EPHB1: variants seen among roughly 807,000 people sequenced by gnomAD.
EPHB1 encodes ephrin type-B receptor 1.
In EPHB1, 30 loss-of-function variants were observed where a neutral mutation model predicts 94.4. That is an observed-to-expected ratio of 0.32 (90% CI 0.24 to 0.43). The LOEUF (loss-of-function observed/expected upper bound fraction) is 0.43, where lower values mean the gene tolerates loss of function less well. Ranked by LOEUF, EPHB1 falls within the 20% of genes least tolerant of loss-of-function variation. The pLI, the probability that EPHB1 is intolerant of heterozygous loss-of-function variation, is 1.00. For synonymous variants in EPHB1, 522 were observed against 489.1 expected (o/e 1.07, Z -0.89); for missense variants, 1,055 against 1,308.3 (o/e 0.81, Z 2.99).
At chr3:135,085,936 T>C (rs1374619200) in intron 3 of EPHB1, among the ~76,000 whole-genome samples, 1 of 152,134 alleles carries the variant, frequency 6.6e-6, no homozygotes, top group Non-Finnish European at 1.5e-5. Flanking sequence ...CACAGTGGGC[T>C]CTGGAAAGAA....
intron 4 of EPHB1, among the ~76,000 whole-genome samples, chr3:135,123,386 A>G (rs1940056720): frequency 6.6e-6 from 1 of 152,226 alleles, no homozygotes; most frequent in Admixed American, 6.5e-5. Flanking sequence ...CTGCTTTCAG[A>G]TGCACCTAGT....
chr3:135,014,241 A>T (rs950576208), intron 3 of EPHB1, among the ~76,000 whole-genome samples: 1 of 152,204 alleles, frequency 6.6e-6, no homozygotes, highest in African/African-American at 2.4e-5. Flanking sequence ...CTGCAACTGC[A>T]TCAAGTGTTT....
At chr3:134,831,506 T>G (rs1404085609) in intron 1 of EPHB1, among the ~76,000 whole-genome samples, 4 of 152,246 alleles carry the variant, frequency 2.6e-5, no homozygotes, top group Non-Finnish European at 5.9e-5. Context: ...AAAAAAGTAA[T>G]AGAAGTTTGC....
intron 5 of EPHB1, among the ~76,000 whole-genome samples, chr3:135,141,090 C>T (rs1449322956): frequency 6.6e-6 from 1 of 151,728 alleles, no homozygotes. Flanking sequence ...GCAGGAAAAC[C>T]TTTGCTGTAG....
intron 12 of EPHB1, among the ~76,000 whole-genome samples, chr3:135,211,221 C>A (rs1943025104): frequency 6.6e-6 from 1 of 152,126 alleles, no homozygotes; most frequent in African/African-American, 2.4e-5. Context: ...TTTAACCATC[C>A]ACTCCCACTG....
intron 10 of EPHB1, among the ~76,000 whole-genome samples, chr3:135,192,044 G>A (rs577653197): frequency 6.6e-6 from 1 of 152,330 alleles, no homozygotes; most frequent in East Asian, 1.9e-4. Flanking sequence ...TCTTTCACAA[G>A]TGAACCTCTT....
At chr3:134,824,755 G>T (rs1261221678) in intron 1 of EPHB1, among the ~76,000 whole-genome samples, 1 of 152,136 alleles carries the variant, frequency 6.6e-6, no homozygotes, top group Non-Finnish European at 1.5e-5. Flanking sequence ...GAACCTAGTC[G>T]CTGTGTTGTT....
Position 135,165,984 on chromosome 3 carries a change from G to C in EPHB1, c.1602G>C (p.Glu534Asp). The C allele has an allele frequency of 1.2e-6, 2 of 1,613,970 alleles. No homozygotes were observed. The highest frequency in any genetic ancestry group is 1.7e-6 in the Non-Finnish European group (2 of 1,179,864). ...QTLTDDDYKS[E>D]LREQLPLIAG... ...CTCACCTAGATGATTACAAGTCAGAGCTGAGGGAGCAGCTGCCCCTGATTG... is the reference window on the plus strand; with the variant it reads ...CTCACCTAGATGATTACAAGTCAGACCTGAGGGAGCAGCTGCCCCTGATTG... The change falls in exon 8 of 16, where the codon GAG becomes GAC. Residue 534 changes from glutamate (E) to aspartate (D), a missense_variant. Coordinates refer to ENST00000398015, the MANE Select transcript of EPHB1 (RefSeq NM_004441.5).
chr3:134,926,363 C>T (rs549560033), intron 2 of EPHB1, among the ~76,000 whole-genome samples: 1 of 152,286 alleles, frequency 6.6e-6, no homozygotes, highest in African/African-American at 2.4e-5. Flanking sequence ...GAGCTCGTGG[C>T]CTCCTGTGGG....
chr3:134,835,042 G>T (rs538976475), intron 1 of EPHB1, among the ~76,000 whole-genome samples: 1 of 152,330 alleles, frequency 6.6e-6, no homozygotes, highest in South Asian at 2.1e-4. Context: ...TCTCATGGTT[G>T]GCTGGACCTG....
intron 1 of EPHB1, chr3:134,796,496 A>C (rs2035829893): frequency 6.6e-6 from 1 of 152,216 alleles, no homozygotes; most frequent in South Asian, 2.1e-4. Context: ...CTGCCAGCTC[A>C]GACTTGGCGG....
intron 1 of EPHB1, among the ~76,000 whole-genome samples, chr3:134,818,784 A>G (rs2108289050): frequency 6.6e-6 from 1 of 152,270 alleles, no homozygotes; most frequent in South Asian, 2.1e-4. Context: ...TAATTGGTGG[A>G]CGTTTGGGTT....
chr3:134,886,552 A>G (rs1252878933), intron 1 of EPHB1, among the ~76,000 whole-genome samples: 1 of 152,238 alleles, frequency 6.6e-6, no homozygotes, highest in Non-Finnish European at 1.5e-5. Context: ...TCTATGGCAC[A>G]GATAAAGTGA....
chr3:135,039,422 G>A (rs545440370), intron 3 of EPHB1, among the ~76,000 whole-genome samples: 8 of 152,328 alleles, frequency 5.3e-5, no homozygotes, highest in Non-Finnish European at 1.0e-4. Context: ...TGCACCGTGC[G>A]CTCGCATTCC....
intron 1 of EPHB1, among the ~76,000 whole-genome samples, chr3:134,810,065 C>A (rs1301400071): frequency 6.6e-6 from 1 of 152,204 alleles, no homozygotes; most frequent in Non-Finnish European, 1.5e-5. Context: ...CATTTGTCAA[C>A]TATTGTGAGC....
rs577382263 is a variant in EPHB1, at chr3:134,949,789, C to T, written c.124-1582C>T. On this transcript the variant is annotated intron_variant, in intron 2 of 15. Coordinates refer to ENST00000398015, the MANE Select transcript of EPHB1 (RefSeq NM_004441.5). Reference sequence around the variant, plus strand: ...TAAATTTATTCCTGGAAATATCCTCCGTTCTTGAGACCAGGATCTGGAGAG... The same window carrying T: ...TAAATTTATTCCTGGAAATATCCTCTGTTCTTGAGACCAGGATCTGGAGAG... 5.3e-5 allele frequency among the ~76,000 whole-genome samples: 8 copies of T among 152,230 alleles called. No individual in the cohort carries two copies. In the East Asian group the frequency reaches 5.8e-4, roughly 11 times the overall value.
intron 4 of EPHB1, among the ~76,000 whole-genome samples, chr3:135,119,480 T>G (rs1018222005): frequency 6.6e-6 from 1 of 152,070 alleles, no homozygotes; most frequent in African/African-American, 2.4e-5. Context: ...TGAGTCAGAG[T>G]CTCGCTGTGT....
chr3:135,024,590 G>A (rs191910508), intron 3 of EPHB1, among the ~76,000 whole-genome samples: 139 of 152,266 alleles, frequency 9.1e-4, no homozygotes, highest in African/African-American at 3.2e-3. Context: ...ACACCGGGGG[G>A]TTGTCTAGCA....
chr3:134,879,429 G>A (rs2037682970), intron 1 of EPHB1, among the ~76,000 whole-genome samples: 1 of 152,112 alleles, frequency 6.6e-6, no homozygotes, highest in African/African-American at 2.4e-5. Flanking sequence ...TTAAGCTGAG[G>A]AGTTTGAGAC....
Sources: allele counts gnomAD v4.1 joint callset (sites outside exome capture counted in the v4.1 genomes callset), GRCh38; gene constraint gnomAD v4.1.1; transcripts MANE v1.5; gene names NCBI Gene and HGNC (gene_info 2026-07-23, HGNC 2026-07-21).